The following GPATCH2 variants were observed in gnomAD, a reference collection of about 807,000 sequenced individuals.
GPATCH2 encodes the protein G-patch domain containing 2, also known as G patch domain-containing protein 2.
GPATCH2 carries 51 observed loss-of-function variants against 58.0 expected under a neutral mutation model. The ratio of observed to expected loss-of-function variants is 0.88; its 90% confidence interval spans 0.70 to 1.11. The LOEUF (loss-of-function observed/expected upper bound fraction) is 1.11, where lower values mean the gene tolerates loss of function less well. Ranked by LOEUF, GPATCH2 falls within the 50% of genes most tolerant of loss-of-function variation. The probability of loss-of-function intolerance (pLI) is 0.00; values close to 1 mark genes in which losing one functional copy is unlikely to be tolerated. For synonymous variants in GPATCH2, 222 were observed against 218.5 expected (o/e 1.02, Z -0.14); for missense variants, 625 against 652.2 (o/e 0.96, Z 0.45).
rs187991846 is a variant in GPATCH2, at chr1:217,565,738, G to A, written c.1098+44583C>T. ...ATATATTTAAGGCTTGAAACTTAAC[G>A]TATAAATAAAACGTATATAAAAAAA... On this transcript the variant is annotated intron_variant, in intron 5 of 9. Coordinates refer to ENST00000366935, the MANE Select transcript of GPATCH2 (RefSeq NM_018040.5). 4.1e-5 allele frequency among the ~76,000 whole-genome samples: 6 copies of A among 145,280 alleles called. No homozygotes were observed. The East Asian group carries it at 8.9e-4, about 22-fold the overall frequency.
At chr1:217,493,785 T>C (rs961838023) in intron 7 of GPATCH2, among the ~76,000 whole-genome samples, 2 of 152,128 alleles carry the variant, frequency 1.3e-5, no homozygotes, top group Non-Finnish European at 2.9e-5. Context: ...GTGACACAGA[T>C]AGCTAGAAGT....
At chr1:217,612,803 T>C (rs1668695228) in intron 3 of GPATCH2, among the ~76,000 whole-genome samples, 1 of 152,218 alleles carries the variant, frequency 6.6e-6, no homozygotes, top group African/African-American at 2.4e-5. Flanking sequence ...ATTAGAATTC[T>C]AGTGTCTGTA....
chr1:217,441,723 G>A (rs536996478), intron 9 of GPATCH2, among the ~76,000 whole-genome samples: 2 of 152,192 alleles, frequency 1.3e-5, no homozygotes, highest in African/African-American at 4.8e-5. Context: ...CATTTATGTG[G>A]CCAACAAATA....
Position 217,616,170 on chromosome 1 carries a change from C to T in GPATCH2, c.774-1968G>A, listed in dbSNP as rs142530272. The stretch of plus-strand genomic sequence containing the variant: ...TATATGGGAATGTGATTTACATGAA[C>T]TCTCTGAACTATCTTTACAACTTTT... On this transcript the variant is annotated intron_variant, in intron 2 of 9. Transcript: ENST00000366935. Among the ~76,000 whole-genome samples, 860 of 152,196 alleles carry T rather than the reference C, an allele frequency of 5.7e-3. 5 individuals are homozygous for T. The highest frequency in any genetic ancestry group is 9.6e-3 in the Non-Finnish European group (651 of 67,976).
chr1:217,511,654 T>C (rs922121008), intron 6 of GPATCH2, among the ~76,000 whole-genome samples: 7 of 152,148 alleles, frequency 4.6e-5, no homozygotes, highest in South Asian at 2.1e-4. Flanking sequence ...ATACTGGCCA[T>C]ATACCTTCTT....
Position 217,557,955 on chromosome 1 carries a change from G to A in GPATCH2, c.1099-43066C>T, listed in dbSNP as rs544836500. 5.9e-5 allele frequency among the ~76,000 whole-genome samples: 9 copies of A among 152,176 alleles called. No individual in the cohort carries two copies. The South Asian group carries it at 1.0e-3, about 18-fold the overall frequency. On this transcript the variant is annotated intron_variant, in intron 5 of 9. Transcript: ENST00000366935. ...GAAGACACAAGTTAATCTGTAAAACGCTTCTGAATCATGATCCACATCTTA... is the reference window on the plus strand; with the variant it reads ...GAAGACACAAGTTAATCTGTAAAACACTTCTGAATCATGATCCACATCTTA...
At chr1:217,508,676 A>G (rs1219832847) in intron 6 of GPATCH2, among the ~76,000 whole-genome samples, 1 of 152,078 alleles carries the variant, frequency 6.6e-6, no homozygotes, top group African/African-American at 2.4e-5. Flanking sequence ...TATTAATTTT[A>G]TTTTTAACAT....
intron 8 of GPATCH2, among the ~76,000 whole-genome samples, chr1:217,482,781 G>A (rs187944299): frequency 2.0e-5 from 3 of 152,226 alleles, no homozygotes; most frequent in African/African-American, 7.2e-5. Flanking sequence ...AATCCTTAAA[G>A]TATACAATTT....
chr1:217,614,237 G>A (rs1668775486), intron 2 of GPATCH2, 35 bp from the exon 3 acceptor site: 1 of 1,257,922 alleles, frequency 7.9e-7, no homozygotes, highest in Non-Finnish European at 1.2e-6. Flanking sequence ...CAGATCAAAA[G>A]AACAATTGAT....
intron 5 of GPATCH2, among the ~76,000 whole-genome samples, chr1:217,602,052 T>C (rs1056066950): frequency 7.9e-5 from 12 of 152,184 alleles, no homozygotes; most frequent in Admixed American, 2.6e-4. Flanking sequence ...TACTGTAGAA[T>C]AGGCATGGAT....
chr1:217,627,566 G>A (rs1669528736), intron 1 of GPATCH2, among the ~76,000 whole-genome samples: 1 of 151,976 alleles, frequency 6.6e-6, no homozygotes, highest in Admixed American at 6.6e-5. Context: ...GTTAAAACTG[G>A]AAAGGAAGCA....
intron 6 of GPATCH2, among the ~76,000 whole-genome samples, chr1:217,500,328 C>T (rs1180762576): frequency 6.6e-6 from 1 of 151,988 alleles, no homozygotes; most frequent in African/African-American, 2.4e-5. Context: ...CCAAAGCCCT[C>T]TGTCTACTTG....
chr1:217,565,932 T>C (rs142982021), intron 5 of GPATCH2, among the ~76,000 whole-genome samples: 5,195 of 151,770 alleles, frequency 0.034, 189 homozygotes, highest in East Asian at 0.16. Context: ...AGAAACCTCA[T>C]CTCTACTAAA....
At chr1:217,478,725 G>A (rs1473209648) in intron 8 of GPATCH2, among the ~76,000 whole-genome samples, 2 of 152,108 alleles carry the variant, frequency 1.3e-5, no homozygotes, top group Non-Finnish European at 1.5e-5. Flanking sequence ...AGGGATAACA[G>A]AGAATTTCTT....
chr1:217,474,788 G>C (rs1160902081), intron 8 of GPATCH2, among the ~76,000 whole-genome samples: 1 of 152,064 alleles, frequency 6.6e-6, no homozygotes, highest in African/African-American at 2.4e-5. Flanking sequence ...TTGATTTAAT[G>C]CATTATAGTT....
chr1:217,486,053 C>T (rs1661438514), intron 8 of GPATCH2, among the ~76,000 whole-genome samples: 1 of 152,170 alleles, frequency 6.6e-6, no homozygotes, highest in African/African-American at 2.4e-5. Flanking sequence ...ATTAGCTTAT[C>T]CATTTCTATA....
intron 5 of GPATCH2, among the ~76,000 whole-genome samples, chr1:217,584,344 A>AAAAAAAAAAAAAAAATATATATATAT (rs1463910405): frequency 1.1e-4 from 11 of 101,836 alleles, no homozygotes; most frequent in Non-Finnish European, 2.1e-4. Context: ...AAAAAAAAAA[A>AAAAAAAAAAAAAAAATATATATATAT]ATATATATAT....
Position 217,476,266 on chromosome 1 carries a change from G to C in GPATCH2, c.1277+15414C>G, listed in dbSNP as rs1660964932. Among the ~76,000 whole-genome samples the C allele has an allele frequency of 4.1e-5, 6 of 145,708 alleles. No individual in the cohort carries two copies. In the South Asian group the frequency reaches 1.3e-3, roughly 32 times the overall value. On this transcript the variant is annotated intron_variant, in intron 8 of 9. Transcript: ENST00000366935. ...TGTGTGTGTGTGTGTGTGTGTGTGT[G>C]TATTGTTGTGGGGGACACAGCAAGA...
At chr1:217,551,678 TA>T (rs531390147) in intron 5 of GPATCH2, among the ~76,000 whole-genome samples, 237 of 152,284 alleles carry the variant, frequency 1.6e-3, no homozygotes, top group African/African-American at 5.4e-3. Context: ...TGTATCTGAA[TA>T]TTTTTTTAAA....
Sources: gnomAD v4.1 joint callset for allele counts (sites outside exome capture counted in the v4.1 genomes callset) on GRCh38, gnomAD v4.1.1 for gene constraint, MANE v1.5 for transcripts, NCBI Gene and HGNC (gene_info 2026-07-23, HGNC 2026-07-21) for gene names.